DLGAP2: variants seen among roughly 807,000 people sequenced by gnomAD.
DLGAP2 encodes disks large-associated protein 2.
In DLGAP2, 26 loss-of-function variants were observed where a neutral mutation model predicts 100.3. The observed-to-expected ratio is 0.26, with a 90% CI of 0.19 to 0.36. The LOEUF (loss-of-function observed/expected upper bound fraction) is 0.36, where lower values mean the gene tolerates loss of function less well. Among genes scored for constraint, DLGAP2 ranks in the 10% least tolerant of loss-of-function variants. DLGAP2 has a pLI of 1.00. For synonymous variants in DLGAP2, 886 were observed against 630.1 expected, an observed-to-expected ratio of 1.41 and a Z score of -6.08; for missense variants, 1,858 against 1,453.2, an observed-to-expected ratio of 1.28 and a Z score of -4.53.
chr8:1,184,832 C>T (rs546285451), intron 2 of DLGAP2, among the ~76,000 whole-genome samples: 66 of 152,288 alleles, frequency 4.3e-4, no homozygotes, highest in African/African-American at 1.3e-3. Flanking sequence ...GCACGTTGCA[C>T]GCCTTGGCCT....
At chr8:1,430,388 C>A (rs1301179242) in intron 3 of DLGAP2, among the ~76,000 whole-genome samples, 1 of 152,128 alleles carries the variant, frequency 6.6e-6, no homozygotes, top group Admixed American at 6.5e-5. Flanking sequence ...TGGCTGTTTT[C>A]TCAAATACAA....
chr8:813,459 A>G (rs1796408309), intron 1 of DLGAP2, among the ~76,000 whole-genome samples: 1 of 152,242 alleles, frequency 6.6e-6, no homozygotes, highest in South Asian at 2.1e-4. Flanking sequence ...TTAGAAAAAG[A>G]TGCCTCATGT....
At chr8:1,205,410 G>T (rs933811813) in intron 2 of DLGAP2, among the ~76,000 whole-genome samples, 17 of 151,066 alleles carry the variant, frequency 1.1e-4, no homozygotes, top group Non-Finnish European at 2.2e-4. Flanking sequence ...ATCACATGAC[G>T]TCTCAGCCGG....
At chr8:1,360,088 C>T (rs1418896114) in intron 3 of DLGAP2, among the ~76,000 whole-genome samples, 1 of 152,144 alleles carries the variant, frequency 6.6e-6, no homozygotes, top group African/African-American at 2.4e-5. Context: ...TCCACCGAAG[C>T]CCTTTGTGTG....
Position 1,103,368 on chromosome 8 carries a change from C to A in DLGAP2, c.74-155483C>A, listed in dbSNP as rs73524647. Among the ~76,000 whole-genome samples, 4 of 147,696 alleles carry A rather than the reference C, an allele frequency of 2.7e-5. No individual in the cohort carries two copies. The East Asian group carries it at 8.0e-4, about 30-fold the overall frequency. ...GGCCTTGGTTAACGGTGATGACTGA[C>A]GGGGACTTGGTTAACGGTGACGACT... On this transcript the variant is annotated intron_variant, in intron 2 of 14. Transcript: ENST00000637795.
chr8:1,328,295 C>T (rs996411294), intron 3 of DLGAP2, among the ~76,000 whole-genome samples: 4 of 151,204 alleles, frequency 2.6e-5, no homozygotes, highest in African/African-American at 9.7e-5. Context: ...CCACTTCAGC[C>T]TCCCAAAGTG....
At chr8:1,566,725 C>G (rs1433103186) in intron 6 of DLGAP2, among the ~76,000 whole-genome samples, 1 of 152,240 alleles carries the variant, frequency 6.6e-6, no homozygotes, top group Admixed American at 6.5e-5. Context: ...TTGTCTCTAT[C>G]CACGCCGAGT....
chr8:845,803 A>G (rs1217213066), intron 1 of DLGAP2, among the ~76,000 whole-genome samples: 2 of 152,212 alleles, frequency 1.3e-5, no homozygotes, highest in East Asian at 3.8e-4. Context: ...TGTTACATTT[A>G]GGTCTTTGAT....
chr8:1,091,874 T>C (rs925588099), intron 2 of DLGAP2, among the ~76,000 whole-genome samples: 1 of 152,010 alleles, frequency 6.6e-6, no homozygotes, highest in Admixed American at 6.6e-5. Context: ...TTTCGCTCGT[T>C]CTGCTTTTCC....
chr8:1,533,029 T>A (rs1801034219), intron 4 of DLGAP2, among the ~76,000 whole-genome samples: 1 of 151,898 alleles, frequency 6.6e-6, no homozygotes, highest in African/African-American at 2.4e-5. Context: ...TCCAGATGAT[T>A]CTTTCAAAAT....
intron 1 of DLGAP2, among the ~76,000 whole-genome samples, chr8:789,577 G>A (rs1821970508): frequency 6.6e-6 from 1 of 152,182 alleles, no homozygotes; most frequent in African/African-American, 2.4e-5. Flanking sequence ...GACTCTGGAT[G>A]ATGGCTACTT....
intron 2 of DLGAP2, among the ~76,000 whole-genome samples, chr8:946,457 G>C (rs533021414): frequency 1.0e-3 from 155 of 151,948 alleles, no homozygotes; most frequent in African/African-American, 3.5e-3. Context: ...TAGAGACGGG[G>C]TTTCACCATA....
chr8:1,338,323 C>T (rs1228290190), intron 3 of DLGAP2, among the ~76,000 whole-genome samples: 1 of 152,192 alleles, frequency 6.6e-6, no homozygotes, highest in Admixed American at 6.5e-5. Flanking sequence ...AAGTGCAGGC[C>T]ACACGTATGA....
chr8:932,964 A>G (rs1334609235), intron 2 of DLGAP2, among the ~76,000 whole-genome samples: 3 of 152,236 alleles, frequency 2.0e-5, no homozygotes, highest in Non-Finnish European at 4.4e-5. Flanking sequence ...TTGGGCAAAG[A>G]TAAACAATAT....
intron 2 of DLGAP2, among the ~76,000 whole-genome samples, chr8:1,167,883 C>A (rs1450095555): frequency 2.1e-5 from 3 of 143,082 alleles, no homozygotes; most frequent in Non-Finnish European, 4.7e-5. Context: ...AACCTGAGTC[C>A]ATTTTTTTTT....
intron 2 of DLGAP2, among the ~76,000 whole-genome samples, chr8:1,233,373 C>T (rs1003168460): frequency 6.6e-6 from 1 of 152,170 alleles, no homozygotes; most frequent in South Asian, 2.1e-4. Context: ...AATTCAATAG[C>T]AGAAGACTCA....
At chr8:1,449,778 A>C (rs1436468021) in intron 3 of DLGAP2, among the ~76,000 whole-genome samples, 1 of 150,552 alleles carries the variant, frequency 6.6e-6, no homozygotes, top group Non-Finnish European at 1.5e-5. Flanking sequence ...GCCGCAGAGA[A>C]GGAGCCGTGC....
chr8:760,155 C>G (rs142795379), intron 1 of DLGAP2, among the ~76,000 whole-genome samples: 394 of 152,304 alleles, frequency 2.6e-3, no homozygotes, highest in African/African-American at 8.8e-3. Flanking sequence ...GTGGCTTCTT[C>G]TTCTCTTGCA....
intron 3 of DLGAP2, among the ~76,000 whole-genome samples, chr8:1,357,557 G>A (rs1481913157): frequency 6.6e-6 from 1 of 152,100 alleles, no homozygotes; most frequent in Non-Finnish European, 1.5e-5. Context: ...CCTCACAGGT[G>A]CCCTGGTATT....
Sources: allele counts gnomAD v4.1 joint callset (sites outside exome capture counted in the v4.1 genomes callset), GRCh38; gene constraint gnomAD v4.1.1; transcripts MANE v1.5; gene names NCBI Gene and HGNC (gene_info 2026-07-23, HGNC 2026-07-21).